WDR25: variants seen among roughly 807,000 people sequenced by gnomAD.
The protein encoded by WDR25 is WD repeat domain 25, also known as WD repeat-containing protein 25.
WDR25 carries 35 observed loss-of-function variants against 47.7 expected under a neutral mutation model. The observed-to-expected ratio is 0.73, with a 90% CI of 0.56 to 0.97. WDR25 has a LOEUF of 0.97. Ranked by LOEUF, WDR25 falls within the 50% of genes least tolerant of loss-of-function variation. The probability of loss-of-function intolerance (pLI) is 0.00; values close to 1 mark genes in which losing one functional copy is unlikely to be tolerated. For missense variants in WDR25, 634 were observed against 704.7 expected (o/e 0.90, Z 1.14); for synonymous variants, 248 against 278.9 (o/e 0.89, Z 1.10).
At chr14:100,433,949 G>A (rs1024163273) in intron 2 of WDR25, among the ~76,000 whole-genome samples, 13 of 152,190 alleles carry the variant, frequency 8.5e-5, no homozygotes, top group African/African-American at 3.1e-4. Flanking sequence ...ATTTTGGCCA[G>A]GCATAGTGGC....
At chr14:100,398,187 A>T (rs1327897439) in intron 2 of WDR25, among the ~76,000 whole-genome samples, 1 of 152,202 alleles carries the variant, frequency 6.6e-6, no homozygotes, top group African/African-American at 2.4e-5. Flanking sequence ...GTTGCAATAC[A>T]TGCTCTTCGA....
At chr14:100,481,264 C>T in intron 3 of WDR25, 1 of 720,634 alleles carries the variant, frequency 1.4e-6, no homozygotes, top group Non-Finnish European at 2.3e-6. Flanking sequence ...AGAAAGAAAC[C>T]AAGTCTGATA....
At chr14:100,415,224 C>G (rs955183734) in intron 2 of WDR25, among the ~76,000 whole-genome samples, 1 of 152,196 alleles carries the variant, frequency 6.6e-6, no homozygotes, top group Non-Finnish European at 1.5e-5. Context: ...AGCATGTTAA[C>G]TTAATTTCTC....
intron 4 of WDR25, among the ~76,000 whole-genome samples, chr14:100,522,542 G>A (rs1302997402): frequency 2.0e-5 from 3 of 152,154 alleles, no homozygotes; most frequent in Non-Finnish European, 2.9e-5. Context: ...ATTATTGAGA[G>A]TTGCCCAAGA....
intron 4 of WDR25, among the ~76,000 whole-genome samples, chr14:100,504,155 T>G (rs1450417030): frequency 2.0e-5 from 3 of 152,224 alleles, no homozygotes; most frequent in African/African-American, 4.8e-5. Context: ...AATACTTTTG[T>G]TTCTTTAAAA....
chr14:100,380,774 G>A (rs1007115385), intron 1 of WDR25, 136 bp from the exon 2 acceptor site: 62 of 824,292 alleles, frequency 7.5e-5, no homozygotes, highest in African/African-American at 6.4e-4. Context: ...GATTACAGGC[G>A]TGAGCCACCA....
chr14:100,487,693 A>G (rs1900430682), intron 4 of WDR25: 1 of 152,242 alleles, frequency 6.6e-6, no homozygotes. Flanking sequence ...CTGTTCCTTC[A>G]GTCAGGGGTG....
chr14:100,521,078 T>G (rs149163867), intron 4 of WDR25, among the ~76,000 whole-genome samples: 20 of 152,280 alleles, frequency 1.3e-4, no homozygotes, highest in African/African-American at 3.9e-4. Context: ...CTACAGTTGA[T>G]GGGTCTTATC....
At chr14:100,476,522 G>T (rs1195448108) in intron 3 of WDR25, 3 of 152,194 alleles carry the variant, frequency 2.0e-5, no homozygotes, top group African/African-American at 7.2e-5. Context: ...TCATGAGTCT[G>T]TGGATGTGAA....
chr14:100,459,860 G>T (rs1899319825), intron 2 of WDR25, among the ~76,000 whole-genome samples: 1 of 118,692 alleles, frequency 8.4e-6, no homozygotes. Flanking sequence ...CCTGGGAAAT[G>T]GATATATATA....
At chr14:100,377,703 A>G (rs983236421) in intron 1 of WDR25, among the ~76,000 whole-genome samples, 1 of 152,192 alleles carries the variant, frequency 6.6e-6, no homozygotes, top group Non-Finnish European at 1.5e-5. Flanking sequence ...GGCTGACTAC[A>G]GACATTTATG....
chr14:100,469,340 C>T (rs1899751460), intron 3 of WDR25, among the ~76,000 whole-genome samples: 1 of 152,156 alleles, frequency 6.6e-6, no homozygotes, highest in Admixed American at 6.5e-5. Flanking sequence ...GGGGAGGGGA[C>T]AGTACTAATG....
At position 100,472,250 on chromosome 14, in the gene WDR25, A is replaced by G. The variant is rs535722391; in HGVS notation, c.970+4082A>G. Among the ~76,000 whole-genome samples, 27 of 152,332 alleles carry G rather than the reference A, an allele frequency of 1.8e-4. No homozygotes were observed. The South Asian group carries it at 5.2e-3, about 29-fold the overall frequency. Reference sequence around the variant, plus strand: ...GGGAACCCTGTCCTCCTTCCTGTGCATGGGCCGGCTCTCCTGATGTGCGCT... The same window carrying G: ...GGGAACCCTGTCCTCCTTCCTGTGCGTGGGCCGGCTCTCCTGATGTGCGCT... On this transcript the variant is annotated intron_variant, in intron 3 of 6. Coordinates refer to ENST00000402312, the MANE Select transcript of WDR25 (RefSeq NM_001161476.3).
chr14:100,379,426 C>T lies in WDR25; in HGVS notation c.-15-1484C>T, dbSNP rs186766279. Reference sequence around the variant, plus strand: ...TTTTTGAGATGGAGTCTTGCTCTGTCACTCAGGCTAGAGTGCAGTGGCATG... The same window carrying T: ...TTTTTGAGATGGAGTCTTGCTCTGTTACTCAGGCTAGAGTGCAGTGGCATG... On this transcript the variant is annotated intron_variant, in intron 1 of 6. Coordinates refer to ENST00000402312, the MANE Select transcript of WDR25 (RefSeq NM_001161476.3). Among the ~76,000 whole-genome samples, 12 of 139,020 alleles carry T rather than the reference C, an allele frequency of 8.6e-5. No homozygotes were observed. In the East Asian group the frequency reaches 2.3e-3, roughly 27 times the overall value. 91.2% of individuals were successfully genotyped at this position (139,020 alleles called of 152,430 possible).
In WDR25 at chr14:100,498,030, C is replaced by G. The variant is rs1413306241; in HGVS notation, c.1101+13906C>G. Among the ~76,000 whole-genome samples, 1 of 152,236 alleles carries G rather than the reference C, an allele frequency of 6.6e-6. No individual in the cohort carries two copies. The highest frequency in any genetic ancestry group is 2.4e-5 in the African/African-American group (1 of 41,454). On this transcript the variant is annotated intron_variant, in intron 4 of 6. Coordinates refer to ENST00000402312, the MANE Select transcript of WDR25 (RefSeq NM_001161476.3). This position sits in a 1 kb window ranked among gnomAD's most constrained non-coding sequence, Gnocchi z 4.2. ...AAGTGATTGTGCCAACCTCCATGGA[C>G]CTGCAGTATAACTCTGCAAAGATTG...
rs1029400135 is a variant in WDR25, at chr14:100,525,709, A to C, written c.1102-161A>C. ...GACTGGGCATGGGGCAGGAGGGTCC[A>C]TGATTCCATATATGGCTTGTGGGTG... On this transcript the variant is annotated intron_variant, in intron 4 of 6. Transcript: ENST00000402312. The surrounding 1 kb of genome is among the most constrained non-coding windows in gnomAD (Gnocchi z 4.6). Among the ~76,000 whole-genome samples the C allele has an allele frequency of 6.6e-6, 1 of 152,146 alleles. No individual in the cohort carries two copies. Among genetic ancestry groups the C allele is most frequent in the Non-Finnish European group, 1.5e-5 (1 of 68,028 alleles).
chr14:100,468,120 C>T lies in WDR25; in HGVS notation c.922C>T (p.Leu308Phe), dbSNP rs771944170. The T allele has an allele frequency of 3.1e-6, 5 of 1,613,568 alleles. No homozygotes were observed. The highest frequency in any genetic ancestry group is 4.2e-6 in the Non-Finnish European group (5 of 1,180,044). ...GTGGGCTCCCTGTGGCCGGCGCATC[C>T]TCAGTGGTGGCTTTGACTTCGCGCT... Reference protein sequence around the residue: ...ARWAPCGRRILSGGFDFALHL... With the variant: ...ARWAPCGRRIFSGGFDFALHL... The change falls in exon 3 of 7, where the codon CTC becomes TTC. Residue 308 changes from leucine (L) to phenylalanine (F), a missense_variant. Transcript: ENST00000402312. The surrounding 1 kb of genome is among the most constrained non-coding windows in gnomAD (Gnocchi z 4.5).
intron 2 of WDR25, among the ~76,000 whole-genome samples, chr14:100,431,151 A>G (rs1204766674): frequency 6.6e-6 from 1 of 152,222 alleles, no homozygotes; most frequent in Non-Finnish European, 1.5e-5. Context: ...TTAATGGATG[A>G]CATTAAAATA....
intron 2 of WDR25, among the ~76,000 whole-genome samples, chr14:100,405,352 G>A (rs1701777063): frequency 6.6e-6 from 1 of 151,916 alleles, no homozygotes; most frequent in Admixed American, 6.6e-5. Flanking sequence ...GTAGAGACGG[G>A]GTTTGTCCAT....
Sources: gnomAD v4.1 joint callset for allele counts (sites outside exome capture counted in the v4.1 genomes callset) on GRCh38, gnomAD v4.1.1 for gene constraint, Gnocchi (gnomAD v3.1) non-coding constraint, MANE v1.5 for transcripts, NCBI Gene and HGNC (gene_info 2026-07-23, HGNC 2026-07-21) for gene names.